Variants in KIDINS220 observed in about 807,000 individuals in gnomAD.
The protein encoded by KIDINS220 is kinase D interacting substrate 220, also known as kinase D-interacting substrate of 220 kDa.
KIDINS220 carries 63 observed loss-of-function variants against 157.6 expected under a neutral mutation model. The ratio of observed to expected loss-of-function variants is 0.40; its 90% CI spans 0.33 to 0.49. The LOEUF is 0.49. Among genes scored for constraint, KIDINS220 ranks in the 20% least tolerant of loss-of-function variants. The pLI, the probability that KIDINS220 is intolerant of heterozygous loss-of-function variation, is 0.66. For missense variants in KIDINS220, 1,772 were observed against 2,171.2 expected, an observed-to-expected ratio of 0.82 and a Z score of 3.65; for synonymous variants, 732 against 783.6, an observed-to-expected ratio of 0.93 and a Z score of 1.10.
At chr2:8,832,909 C>T (rs949322870) in intron 1 of KIDINS220, among the ~76,000 whole-genome samples, 4 of 151,464 alleles carry the variant, frequency 2.6e-5, no homozygotes, top group Non-Finnish European at 5.9e-5. Context: ...ATTTTTTTAA[C>T]TAATACATAA....
intron 22 of KIDINS220, among the ~76,000 whole-genome samples, chr2:8,754,280 T>C (rs988393451): frequency 6.6e-5 from 10 of 152,358 alleles, no homozygotes; most frequent in Middle Eastern, 3.4e-3. Flanking sequence ...GGCTTCCAGA[T>C]TGAAGTCTCT....
chr2:8,776,783 G>C lies in KIDINS220; in HGVS notation c.2813C>G (p.Thr938Ser). ...AACAATATTAAGTAATCTTCTCATG[G>C]TCTGGGGACTGATGTCACTGAACCA... ...EDWFSDISPQ[T>S]MRRLLNIVSV... Residue 938 changes from threonine (T) to serine (S), a missense_variant, in exon 21 of 30, where the codon ACC becomes AGC. Physicochemically the swap from Thr to Ser is moderately conservative, Grantham distance 58 (BLOSUM62 1). Coordinates refer to ENST00000256707, the MANE Select transcript of KIDINS220 (RefSeq NM_020738.4). 6.2e-7 allele frequency: 1 copy of C among 1,613,890 alleles called. No homozygotes were observed. Among genetic ancestry groups the C allele is most frequent in the Non-Finnish European group, 8.5e-7 (1 of 1,179,876 alleles).
intron 22 of KIDINS220, among the ~76,000 whole-genome samples, chr2:8,759,498 T>TA (rs1175557361): frequency 2.0e-5 from 3 of 150,376 alleles, no homozygotes; most frequent in African/African-American, 4.9e-5. Flanking sequence ...TTTAAAGGAT[T>TA]AAAAAAACCC....
At position 8,730,404 on chromosome 2, in the gene KIDINS220, A is replaced by C. The variant is rs1166807858; in HGVS notation, c.*316T>G. ...CTTTTTGGCACATTAAGCCCTTTAAAATACTTCTGACCTATCTTTATACTC... is the reference window on the plus strand; with the variant it reads ...CTTTTTGGCACATTAAGCCCTTTAACATACTTCTGACCTATCTTTATACTC... On this transcript the variant is annotated 3_prime_UTR_variant, in exon 30 of 30. Coordinates refer to ENST00000256707, the MANE Select transcript of KIDINS220 (RefSeq NM_020738.4). The C allele has an allele frequency of 9.0e-7, 1 of 1,112,812 alleles. No homozygotes were observed. The highest frequency in any genetic ancestry group is 5.3e-5 in the East Asian group (1 of 18,698). 68.9% of individuals were successfully genotyped at this position (1,112,812 alleles called of 1,614,324 possible).
At chr2:8,771,587 ACTT>A (rs898317071) in intron 21 of KIDINS220, among the ~76,000 whole-genome samples, 1 of 152,190 alleles carries the variant, frequency 6.6e-6, no homozygotes, top group East Asian at 1.9e-4. Flanking sequence ...TGTCAATTTT[ACTT>A]CATCATTATC....
At chr2:8,787,648 G>A (rs1672610641) in intron 15 of KIDINS220, among the ~76,000 whole-genome samples, 1 of 151,678 alleles carries the variant, frequency 6.6e-6, no homozygotes, top group Non-Finnish European at 1.5e-5. Flanking sequence ...TTACAGGTGT[G>A]AGCCACCACA....
intron 22 of KIDINS220, among the ~76,000 whole-genome samples, chr2:8,761,887 T>C (rs1007329589): frequency 1.3e-5 from 2 of 152,228 alleles, no homozygotes; most frequent in African/African-American, 4.8e-5. Context: ...TTTATTCTTG[T>C]ATTTTAAAAA....
chr2:8,750,042 T>C, intron 24 of KIDINS220, 70 bp downstream of exon 24: 1 of 1,339,828 alleles, frequency 7.5e-7, no homozygotes, highest in Non-Finnish European at 1.0e-6. Context: ...CAAAACAGAA[T>C]CCACAAGCAG....
At chr2:8,811,581 C>T (rs748663341) in intron 6 of KIDINS220, among the ~76,000 whole-genome samples, 23 of 152,098 alleles carry the variant, frequency 1.5e-4, no homozygotes, top group Non-Finnish European at 2.1e-4. Context: ...ATTAGACAAT[C>T]GGTTGTATCT....
At chr2:8,831,175 T>C (rs965960000) in intron 1 of KIDINS220, among the ~76,000 whole-genome samples, 3 of 152,202 alleles carry the variant, frequency 2.0e-5, no homozygotes, top group Non-Finnish European at 4.4e-5. Context: ...AAATACACAA[T>C]TCCTACGGAA....
chr2:8,799,655 A>C (rs1008272733), intron 9 of KIDINS220, among the ~76,000 whole-genome samples: 6 of 152,226 alleles, frequency 3.9e-5, no homozygotes, highest in Non-Finnish European at 8.8e-5. Context: ...ATGTGTCTTA[A>C]AGACAAGGGG....
chr2:8,761,556 A>T (rs1451542852), intron 22 of KIDINS220, among the ~76,000 whole-genome samples: 1 of 152,202 alleles, frequency 6.6e-6, no homozygotes, highest in Non-Finnish European at 1.5e-5. Context: ...ATATGAATAG[A>T]TACCCATTCA....
intron 2 of KIDINS220, among the ~76,000 whole-genome samples, chr2:8,821,427 A>G (rs983793998): frequency 4.0e-5 from 6 of 151,580 alleles, no homozygotes; most frequent in African/African-American, 1.5e-4. Flanking sequence ...CTCTCCCAGG[A>G]AAGCGCTGTA....
intron 26 of KIDINS220, among the ~76,000 whole-genome samples, chr2:8,744,002 T>C (rs1266712832): frequency 6.6e-6 from 1 of 150,404 alleles, no homozygotes; most frequent in Non-Finnish European, 1.5e-5. Flanking sequence ...AAAGCTAGCA[T>C]GGAGGCTTAT....
intron 17 of KIDINS220, among the ~76,000 whole-genome samples, chr2:8,780,880 C>A (rs551882952): frequency 5.6e-4 from 84 of 151,316 alleles, no homozygotes; most frequent in Non-Finnish European, 9.7e-4. Flanking sequence ...AAAATAGGAA[C>A]AAAAATCAAG....
chr2:8,726,216 C>T (rs1278940723), downstream of KIDINS220, among the ~76,000 whole-genome samples: 1 of 152,128 alleles, frequency 6.6e-6, no homozygotes, highest in Non-Finnish European at 1.5e-5. Context: ...CCACACTGTA[C>T]TGGGAATTCA....
At chr2:8,771,096 C>T (rs1322495565) in intron 21 of KIDINS220, among the ~76,000 whole-genome samples, 3 of 152,252 alleles carry the variant, frequency 2.0e-5, no homozygotes, top group South Asian at 4.1e-4. Context: ...TCTTCGACCA[C>T]GTATATGCAG....
chr2:8,829,013 G>A (rs1679230519), intron 1 of KIDINS220, among the ~76,000 whole-genome samples: 1 of 152,200 alleles, frequency 6.6e-6, no homozygotes, highest in Non-Finnish European at 1.5e-5. Flanking sequence ...GAGGCCTTGC[G>A]ATGGAGTGAA....
chr2:8,748,590 G>A (rs1666889415), intron 24 of KIDINS220, among the ~76,000 whole-genome samples: 1 of 151,966 alleles, frequency 6.6e-6, no homozygotes, highest in Non-Finnish European at 1.5e-5. Context: ...TTATAACAAT[G>A]GCATACATTT....
Sources: allele counts gnomAD v4.1 joint callset (sites outside exome capture counted in the v4.1 genomes callset), GRCh38; gene constraint gnomAD v4.1.1; transcripts MANE v1.5; gene names NCBI Gene and HGNC (gene_info 2026-07-23, HGNC 2026-07-21).